The following PRR14L variants were observed in gnomAD, a reference collection of about 807,000 sequenced individuals.
PRR14L encodes protein PRR14L.
In PRR14L, 80 loss-of-function variants were observed where a neutral mutation model predicts 155.0. The observed-to-expected ratio is 0.52, with a 90% CI of 0.43 to 0.62. PRR14L has a LOEUF of 0.62. Among genes scored for constraint, PRR14L ranks in the 20% least tolerant of loss-of-function variants. PRR14L has a pLI of 0.00. For synonymous variants in PRR14L, 883 were observed against 916.0 expected, an observed-to-expected ratio of 0.96 and a Z score of 0.65; for missense variants, 2,469 against 2,548.0, an observed-to-expected ratio of 0.97 and a Z score of 0.67.
intron 2 of PRR14L, among the ~76,000 whole-genome samples, chr22:31,729,223 T>A (rs1476589296): frequency 6.6e-6 from 1 of 152,216 alleles, no homozygotes; most frequent in Non-Finnish European, 1.5e-5. Flanking sequence ...TTTATTTATT[T>A]ATTTTTGAGA....
intron 1 of PRR14L, among the ~76,000 whole-genome samples, chr22:31,741,020 G>A (rs1325098164): frequency 6.6e-6 from 1 of 151,856 alleles, no homozygotes; most frequent in Non-Finnish European, 1.5e-5. Flanking sequence ...TTGGGAGGCC[G>A]AGAGGGGCGG....
chr22:31,693,086 A>G (rs771303934), intron 7 of PRR14L, among the ~76,000 whole-genome samples: 4 of 152,160 alleles, frequency 2.6e-5, no homozygotes, highest in Non-Finnish European at 5.9e-5. Context: ...ATGAACCTAT[A>G]TTGATACATT....
chr22:31,703,171 T>A (rs1442955726), intron 6 of PRR14L, among the ~76,000 whole-genome samples: 1 of 152,190 alleles, frequency 6.6e-6, no homozygotes, highest in Non-Finnish European at 1.5e-5. Context: ...GAATTGTACA[T>A]TCAGTTCAGA....
At chr22:31,722,473 T>G (rs1185298166) in intron 3 of PRR14L, among the ~76,000 whole-genome samples, 2 of 150,686 alleles carry the variant, frequency 1.3e-5, no homozygotes, top group African/African-American at 4.9e-5. Flanking sequence ...AGTGAAGATT[T>G]TGGCAGCTGG....
chr22:31,712,730 CA>C lies in PRR14L; in HGVS notation c.5108del (p.Leu1703Ter). ...LESIKMTFID[L>X]SNKMPSLLFG... ...ACAGCAGGGACGGCATCTTGTTGCTCAAATCTATGAAGGTCATCTTGATGGA... is the reference window on the plus strand; with the variant it reads ...ACAGCAGGGACGGCATCTTGTTGCTCAATCTATGAAGGTCATCTTGATGGA... On this transcript the variant is annotated frameshift_variant, in exon 4 of 9. Coordinates refer to ENST00000327423, the MANE Select transcript of PRR14L (RefSeq NM_173566.3). LOFTEE classifies it high-confidence loss of function. The C allele has an allele frequency of 1.3e-6, 2 of 1,551,770 alleles. No homozygotes were observed. The highest frequency in any genetic ancestry group is 1.7e-6 in the Non-Finnish European group (2 of 1,147,028).
At chr22:31,739,826 G>C (rs11705329) in intron 1 of PRR14L, among the ~76,000 whole-genome samples, 8 of 152,030 alleles carry the variant, frequency 5.3e-5, no homozygotes, top group Non-Finnish European at 1.0e-4. Flanking sequence ...TTGTAATACT[G>C]CACTATACAA....
At chr22:31,704,048 CG>C (rs2147858353) in intron 5 of PRR14L, among the ~76,000 whole-genome samples, 1 of 152,238 alleles carries the variant, frequency 6.6e-6, no homozygotes, top group East Asian at 1.9e-4. Flanking sequence ...CCACCCGCAC[CG>C]GCCTCCCAAA....
chr22:31,712,737 A>G lies in PRR14L; in HGVS notation c.5102T>C (p.Ile1701Thr). ...YSLESIKMTF[I>T]DLSNKMPSLL... Reference sequence around the variant, plus strand: ...GGACGGCATCTTGTTGCTCAAATCTATGAAGGTCATCTTGATGGATTCGAG... The same window carrying G: ...GGACGGCATCTTGTTGCTCAAATCTGTGAAGGTCATCTTGATGGATTCGAG... The change falls in exon 4 of 9, where the codon ATA becomes ACA. Residue 1701 changes from isoleucine (I) to threonine (T), a missense_variant. Ile to Thr is a moderately conservative substitution (Grantham distance 89). This residue lies in a region of PRR14L where 2,363 missense variants were observed against 2,371.6 expected (regional missense o/e 1.00). Coordinates refer to ENST00000327423, the MANE Select transcript of PRR14L (RefSeq NM_173566.3). 1.9e-6 allele frequency: 3 copies of G among 1,551,798 alleles called. No homozygotes were observed. Among genetic ancestry groups the G allele is most frequent in the Middle Eastern group, 1.7e-4 (1 of 5,992 alleles).
At chr22:31,696,628 A>AGGTC (rs2074536212) in intron 7 of PRR14L, among the ~76,000 whole-genome samples, 2 of 152,202 alleles carry the variant, frequency 1.3e-5, no homozygotes, top group Non-Finnish European at 1.5e-5. Flanking sequence ...TTGCTCTTGC[A>AGGTC]GGTCTCTCTG....
intron 4 of PRR14L, among the ~76,000 whole-genome samples, chr22:31,709,596 A>G (rs1478809548): frequency 7.8e-6 from 1 of 128,648 alleles, no homozygotes; most frequent in East Asian, 2.3e-4. Context: ...GCTGGAGTGC[A>G]GTGGCACGAT....
intron 1 of PRR14L, among the ~76,000 whole-genome samples, 186 bp downstream of exon 1, chr22:31,749,807 G>A (rs898554628): frequency 1.1e-4 from 17 of 152,352 alleles, no homozygotes; most frequent in African/African-American, 4.1e-4. Context: ...TAGCGACGCG[G>A]GGCCTGGTCT....
intron 7 of PRR14L, among the ~76,000 whole-genome samples, chr22:31,700,649 T>G (rs906438582): frequency 1.3e-5 from 2 of 150,616 alleles, no homozygotes; most frequent in African/African-American, 2.4e-5. Context: ...CTCCGCCTCC[T>G]GGGTTCAAGC....
intron 7 of PRR14L, among the ~76,000 whole-genome samples, chr22:31,692,235 G>A (rs542737412): frequency 6.6e-6 from 1 of 152,040 alleles, no homozygotes; most frequent in East Asian, 1.9e-4. Flanking sequence ...ATTTTTTCAG[G>A]AACTGCCAAT....
chr22:31,726,903 C>CA (rs1412343893), intron 2 of PRR14L, among the ~76,000 whole-genome samples: 3 of 150,692 alleles, frequency 2.0e-5, no homozygotes, highest in Non-Finnish European at 4.4e-5. Flanking sequence ...ACCTGTTATC[C>CA]ATCCCGTTCT....
At chr22:31,736,154 G>A (rs1351230753) in intron 2 of PRR14L, among the ~76,000 whole-genome samples, 1 of 150,636 alleles carries the variant, frequency 6.6e-6, no homozygotes, top group Non-Finnish European at 1.5e-5. Context: ...GGGAGGCGGA[G>A]CTTGCAGTGA....
At position 31,714,608 on chromosome 22, in the gene PRR14L, C is replaced by T. The variant is rs910077724; in HGVS notation, c.3231G>A (p.Leu1077=). 1.2e-5 allele frequency: 19 copies of T among 1,551,838 alleles called. No homozygotes were observed. Among genetic ancestry groups the T allele is most frequent in the South Asian group, 3.6e-5 (3 of 84,068 alleles). The change falls in exon 4 of 9, where the codon CTG becomes CTA. Residue 1077 remains leucine (L), a synonymous_variant. Coordinates refer to ENST00000327423, the MANE Select transcript of PRR14L (RefSeq NM_173566.3). The part of the protein sequence containing the change: ...GVLDVKASNL[L]DCGARQEKLA... ...GTTTCTCTTGCCTTGCACCACAATCCAGTAGATTAGATGCCTTCACGTCCA... is the reference window on the plus strand; with the variant it reads ...GTTTCTCTTGCCTTGCACCACAATCTAGTAGATTAGATGCCTTCACGTCCA...
intron 2 of PRR14L, among the ~76,000 whole-genome samples, chr22:31,735,642 G>GAAAA (rs11443259): frequency 2.3e-5 from 3 of 130,444 alleles, no homozygotes; most frequent in Admixed American, 7.7e-5. Flanking sequence ...CCCTAAATTG[G>GAAAA]AAAAAAAAAA....
Position 31,712,702 on chromosome 22 carries a change from C to T in PRR14L, c.5137G>A (p.Gly1713Ser). ...LSNKMPSLLF[G>S]SEIFPVSFHV... Reference sequence around the variant, plus strand: ...AAGGATACTGGGAAGATTTCAGAACCAAACAGCAGGGACGGCATCTTGTTG... The same window carrying T: ...AAGGATACTGGGAAGATTTCAGAACTAAACAGCAGGGACGGCATCTTGTTG... Residue 1713 changes from glycine to serine, a missense_variant, in exon 4 of 9, where the codon GGT (glycine) becomes AGT (serine). Physicochemically the swap from Gly to Ser is moderately conservative, Grantham distance 56 (BLOSUM62 0). Transcript: ENST00000327423. 6.4e-7 allele frequency: 1 copy of T among 1,551,692 alleles called. No homozygotes were observed. Among genetic ancestry groups the T allele is most frequent in the Non-Finnish European group, 8.7e-7 (1 of 1,146,984 alleles).
In PRR14L at chr22:31,745,858, A is replaced by AT. The variant is rs1208621699; in HGVS notation, c.-52+4134_-52+4135insA. Among the ~76,000 whole-genome samples, 428 of 139,794 alleles carry AT rather than the reference A, an allele frequency of 3.1e-3. 1 individual carries two copies. Among genetic ancestry groups the AT allele is most frequent in the African/African-American group, 9.7e-3 (360 of 36,990 alleles). The allele number at this position is 139,794 out of a possible 152,430, so 91.7% of individuals were successfully genotyped here. On this transcript the variant is annotated intron_variant, in intron 1 of 8. Coordinates refer to ENST00000327423, the MANE Select transcript of PRR14L (RefSeq NM_173566.3). ...AGACTCAGTTTAAAAAAAAAAAAAA[A>AT]AAAATATATATATATATATAAGCCA...
Sources: allele counts gnomAD v4.1 joint callset (sites outside exome capture counted in the v4.1 genomes callset), GRCh38; gene constraint gnomAD v4.1.1; regional missense constraint gnomAD v4.1.1; transcripts MANE v1.5; gene names NCBI Gene and HGNC (gene_info 2026-07-23, HGNC 2026-07-21).